HACE1: variants seen among roughly 807,000 people sequenced by gnomAD.
HACE1 encodes E3 ubiquitin-protein ligase HACE1.
A neutral mutation model predicts 118.4 loss-of-function variants in HACE1; 73 were observed. The observed-to-expected ratio is 0.62, with a 90% CI of 0.51 to 0.75. HACE1 has a LOEUF of 0.75. HACE1 is among the 30% of genes least tolerant of loss of function. The pLI is 0.00. For missense variants in HACE1, 749 were observed against 1,102.2 expected, an observed-to-expected ratio of 0.68 and a Z score of 4.54; for synonymous variants, 368 against 374.8, an observed-to-expected ratio of 0.98 and a Z score of 0.21.
chr6:104,775,914 TG>T (rs1245206863), intron 17 of HACE1, among the ~76,000 whole-genome samples: 1 of 152,012 alleles, frequency 6.6e-6, no homozygotes, highest in East Asian at 1.9e-4. Flanking sequence ...TGTAAACATT[TG>T]GGGAGAGAAA....
chr6:104,742,608 T>G (rs1311407127), intron 22 of HACE1, among the ~76,000 whole-genome samples: 2 of 151,200 alleles, frequency 1.3e-5, no homozygotes, highest in East Asian at 1.9e-4. Context: ...AAAACCACAA[T>G]GAGATACCGT....
intron 19 of HACE1, among the ~76,000 whole-genome samples, chr6:104,752,943 C>T (rs1432503535): frequency 6.6e-6 from 1 of 151,916 alleles, no homozygotes; most frequent in Non-Finnish European, 1.5e-5. Context: ...AATTATTTTT[C>T]AATAAAATAA....
At chr6:104,790,708 T>C (rs1436533305) in intron 11 of HACE1, among the ~76,000 whole-genome samples, 1 of 152,198 alleles carries the variant, frequency 6.6e-6, no homozygotes, top group Admixed American at 6.5e-5. Context: ...TCAACCATGA[T>C]TGTGCCACTG....
intron 17 of HACE1, among the ~76,000 whole-genome samples, chr6:104,775,049 T>C (rs537875939): frequency 1.8e-4 from 27 of 152,116 alleles, no homozygotes; most frequent in Middle Eastern, 3.4e-3. Context: ...AAAAGATAAA[T>C]CAAAATGTTT....
chr6:104,755,569 T>C (rs1778514136), intron 19 of HACE1, among the ~76,000 whole-genome samples: 1 of 152,170 alleles, frequency 6.6e-6, no homozygotes. Context: ...AATGAAATCA[T>C]AACAAACAGT....
intron 19 of HACE1, among the ~76,000 whole-genome samples, chr6:104,756,426 AAT>A (rs143518205): frequency 0.013 from 1,401 of 105,890 alleles, 40 homozygotes; most frequent in Middle Eastern, 0.044. Flanking sequence ...AAAAAAAAAA[AAT>A]ATATATATAT....
intron 7 of HACE1, among the ~76,000 whole-genome samples, chr6:104,806,889 T>A (rs1771060624): frequency 6.6e-6 from 1 of 152,134 alleles, no homozygotes; most frequent in African/African-American, 2.4e-5. Context: ...TCCTTATAAA[T>A]TTGAGAATTT....
intron 22 of HACE1, among the ~76,000 whole-genome samples, chr6:104,740,646 T>G (rs1281093752): frequency 3.3e-4 from 50 of 150,144 alleles, no homozygotes; most frequent in African/African-American, 1.0e-3. Context: ...AATAACAGGA[T>G]CTGAAATTGT....
At chr6:104,789,701 C>T (rs954664539) in intron 11 of HACE1, among the ~76,000 whole-genome samples, 2 of 152,058 alleles carry the variant, frequency 1.3e-5, no homozygotes, top group East Asian at 3.9e-4. Context: ...AGAAATCAGA[C>T]AAAATTAAAT....
rs1353501390 is a variant in HACE1, at chr6:104,813,627, CA to C, written c.535-2235del. Among the ~76,000 whole-genome samples, 2 of 137,522 alleles carry C rather than the reference CA, an allele frequency of 1.5e-5. 1 individual carries two copies. The highest frequency in any genetic ancestry group is 1.4e-4 in the Admixed American group (2 of 13,866). 90.2% of individuals were successfully genotyped at this position (137,522 alleles called of 152,430 possible). Reference sequence around the variant, plus strand: ...CCCCACAACAAAGAATTATCAGATCCAAAATATCAACAGTGTTGAGACCAAG... The same window carrying C: ...CCCCACAACAAAGAATTATCAGATCCAAATATCAACAGTGTTGAGACCAAG... On this transcript the variant is annotated intron_variant, in intron 6 of 23. Coordinates refer to ENST00000262903, the MANE Select transcript of HACE1 (RefSeq NM_020771.4).
intron 23 of HACE1, 97 bp downstream of exon 23, chr6:104,730,206 G>C (rs1775053966): frequency 5.4e-6 from 4 of 738,484 alleles, no homozygotes; most frequent in Admixed American, 1.9e-5. Flanking sequence ...GATCACAGCT[G>C]AGGTTTTCCT....
At chr6:104,774,743 C>G (rs1461704025) in intron 17 of HACE1, among the ~76,000 whole-genome samples, 2 of 152,136 alleles carry the variant, frequency 1.3e-5, no homozygotes, top group Non-Finnish European at 2.9e-5. Flanking sequence ...TTACTGGCCC[C>G]AAGATTGTAT....
At chr6:104,770,320 C>T (rs1780474449) in intron 19 of HACE1, among the ~76,000 whole-genome samples, 1 of 152,084 alleles carries the variant, frequency 6.6e-6, no homozygotes, top group African/African-American at 2.4e-5. Flanking sequence ...CATATTAAAA[C>T]ACCAAGCCAT....
chr6:104,740,854 C>CA (rs1355768853), intron 22 of HACE1, among the ~76,000 whole-genome samples: 1 of 126,846 alleles, frequency 7.9e-6, no homozygotes, highest in South Asian at 2.6e-4. Flanking sequence ...AGAGACACAA[C>CA]AAAAAAAGAG....
At chr6:104,750,834 T>C (rs975969765) in intron 19 of HACE1, among the ~76,000 whole-genome samples, 5 of 152,212 alleles carry the variant, frequency 3.3e-5, no homozygotes, top group Non-Finnish European at 7.3e-5. Context: ...TTTTTGCCCC[T>C]GTACTGATGC....
chr6:104,779,646 A>C (rs1477456045), intron 14 of HACE1, among the ~76,000 whole-genome samples: 1 of 152,122 alleles, frequency 6.6e-6, no homozygotes, highest in Non-Finnish European at 1.5e-5. Flanking sequence ...AGAGGAGAGA[A>C]AAAACATTAC....
chr6:104,733,073 A>G (rs1489162218), intron 22 of HACE1, among the ~76,000 whole-genome samples: 1 of 152,264 alleles, frequency 6.6e-6, no homozygotes, highest in Non-Finnish European at 1.5e-5. Context: ...TAAAAAATTA[A>G]TAACGTGACC....
Position 104,833,184 on chromosome 6 carries a change from AT to A in HACE1, c.403-12del. 2 of 1,611,678 alleles carry A rather than the reference AT, an allele frequency of 1.2e-6. No individual in the cohort carries two copies. Among genetic ancestry groups the A allele is most frequent in the Non-Finnish European group, 1.7e-6 (2 of 1,177,782 alleles). On this transcript the variant is annotated splice_polypyrimidine_tract_variant and intron_variant, in intron 5 of 23. Coordinates refer to ENST00000262903, the MANE Select transcript of HACE1 (RefSeq NM_020771.4). ...AGCCAGCCAATGTATCTGTGAAGCCATTTAGTTACTTAACATTTGTGTAATA... is the reference window on the plus strand; with the variant it reads ...AGCCAGCCAATGTATCTGTGAAGCCATTAGTTACTTAACATTTGTGTAATA...
At chr6:104,841,079 C>T (rs1209607025) in intron 5 of HACE1, among the ~76,000 whole-genome samples, 2 of 151,042 alleles carry the variant, frequency 1.3e-5, no homozygotes, top group African/African-American at 4.9e-5. Flanking sequence ...TGGGATTGCG[C>T]CATTGCACTC....
Sources: gnomAD v4.1 joint callset for allele counts (sites outside exome capture counted in the v4.1 genomes callset) on GRCh38, gnomAD v4.1.1 for gene constraint, MANE v1.5 for transcripts, NCBI Gene and HGNC (gene_info 2026-07-23, HGNC 2026-07-21) for gene names.